The following SLC24A3 variants were observed in gnomAD, a reference collection of about 807,000 sequenced individuals.
SLC24A3 encodes the protein sodium/potassium/calcium exchanger 3.
Under a neutral mutation model 75.8 loss-of-function variants are expected in SLC24A3, and 28 were observed. The observed-to-expected ratio is 0.37, with a 90% confidence interval of 0.27 to 0.51. The LOEUF is 0.51. SLC24A3 is among the 20% of genes least tolerant of loss of function. The probability of loss-of-function intolerance (pLI) is 0.94; values close to 1 mark genes in which losing one functional copy is unlikely to be tolerated. For synonymous variants in SLC24A3, 372 were observed against 334.1 expected, an observed-to-expected ratio of 1.11 and a Z score of -1.24; for missense variants, 663 against 847.8, an observed-to-expected ratio of 0.78 and a Z score of 2.71.
rs2033099631 is a variant in SLC24A3, at chr20:19,721,028, A to G, written c.1823A>G (p.Lys608Arg). The change falls in exon 17 of 17, where the codon AAG becomes AGG. Residue 608 changes from lysine (K) to arginine (R), a missense_variant. Lys to Arg is a conservative substitution (Grantham distance 26). Coordinates refer to ENST00000328041, the MANE Select transcript of SLC24A3 (RefSeq NM_020689.4). The stretch of plus-strand genomic sequence containing the variant: ...CACCTGAACAAGTGGCAGCTGGACA[A>G]GAAGCTGGGCTGTGGGTGCCTCCTC... ...GVHLNKWQLD[K>R]KLGCGCLLLY... 6.2e-7 allele frequency: 1 copy of G among 1,613,904 alleles called. No individual in the cohort carries two copies. Among genetic ancestry groups the G allele is most frequent in the Non-Finnish European group, 8.5e-7 (1 of 1,180,004 alleles).
chr20:19,328,489 A>T (rs953334300), intron 2 of SLC24A3, among the ~76,000 whole-genome samples: 2 of 152,190 alleles, frequency 1.3e-5, no homozygotes, highest in African/African-American at 4.8e-5. Flanking sequence ...GTGAGGCGGT[A>T]TCTGATTCCG....
intron 3 of SLC24A3, among the ~76,000 whole-genome samples, chr20:19,571,879 C>G (rs367757942): frequency 6.6e-6 from 1 of 152,190 alleles, no homozygotes; most frequent in Non-Finnish European, 1.5e-5. Context: ...ATTTCATTCC[C>G]TTCACAATCT....
At chr20:19,408,044 A>G (rs1416656351) in intron 2 of SLC24A3, among the ~76,000 whole-genome samples, 1 of 152,192 alleles carries the variant, frequency 6.6e-6, no homozygotes, top group Admixed American at 6.5e-5. Flanking sequence ...CGCTTCTAAG[A>G]ATAGAAAAGA....
At chr20:19,569,235 G>A (rs2031010594) in intron 3 of SLC24A3, among the ~76,000 whole-genome samples, 1 of 152,178 alleles carries the variant, frequency 6.6e-6, no homozygotes, top group African/African-American at 2.4e-5. Flanking sequence ...CCCACTACTT[G>A]TATTTTTATG....
chr20:19,490,610 T>C (rs1035814871), intron 2 of SLC24A3, among the ~76,000 whole-genome samples: 7 of 152,256 alleles, frequency 4.6e-5, no homozygotes, highest in African/African-American at 2.4e-5. Flanking sequence ...AGAGCTATTA[T>C]TAAGATTGGG....
At chr20:19,317,520 G>A (rs2122271006) in intron 2 of SLC24A3, among the ~76,000 whole-genome samples, 1 of 152,324 alleles carries the variant, frequency 6.6e-6, no homozygotes, top group East Asian at 1.9e-4. Context: ...AGCAGCCACA[G>A]CCAGGCCCAT....
At chr20:19,369,201 G>A (rs552636445) in intron 2 of SLC24A3, among the ~76,000 whole-genome samples, 55 of 152,156 alleles carry the variant, frequency 3.6e-4, no homozygotes, top group Non-Finnish European at 6.2e-4. Context: ...GAACCTGGCC[G>A]CCTCCCCTAA....
rs1291830177 is a variant in SLC24A3 at position 19,517,729 on chromosome 20, A to C, written c.348+2165A>C. Among the ~76,000 whole-genome samples, 4 of 152,286 alleles carry C rather than the reference A, an allele frequency of 2.6e-5. No homozygotes were observed. In the East Asian group the frequency reaches 7.7e-4, roughly 29 times the overall value. On this transcript the variant is annotated intron_variant, in intron 3 of 16. Coordinates refer to ENST00000328041, the MANE Select transcript of SLC24A3 (RefSeq NM_020689.4). ...ACAGAAGCCCAGAATTCTCCACCCA[A>C]ATAGCCATGAGCCTGCTGCCAAGGC...
At position 19,328,644 on chromosome 20, in the gene SLC24A3, G is replaced by A. The variant is rs148771268; in HGVS notation, c.271+47557G>A. ...AGTTGTAGGAGAAGGTGAGGGGCGG[G>A]TGGAGTGAGCTTCATGGGAGACCGG... is the stretch of plus-strand genomic sequence containing the variant. On this transcript the variant is annotated intron_variant, in intron 2 of 16. Transcript: ENST00000328041. Among the ~76,000 whole-genome samples, 23 of 152,284 alleles carry A rather than the reference G, an allele frequency of 1.5e-4. No homozygotes were observed. In the East Asian group the frequency reaches 4.4e-3, roughly 29 times the overall value.
chr20:19,586,944 A>C (rs2031305479), intron 6 of SLC24A3, among the ~76,000 whole-genome samples: 1 of 152,190 alleles, frequency 6.6e-6, no homozygotes, highest in East Asian at 1.9e-4. Flanking sequence ...TAAATCTCCC[A>C]TAAATGTAGT....
At chr20:19,365,314 A>C (rs1985868756) in intron 2 of SLC24A3, among the ~76,000 whole-genome samples, 1 of 152,134 alleles carries the variant, frequency 6.6e-6, no homozygotes, top group Non-Finnish European at 1.5e-5. Flanking sequence ...ATACCCAGTG[A>C]ATCAGGAACT....
At chr20:19,368,363 C>G (rs1985934329) in intron 2 of SLC24A3, among the ~76,000 whole-genome samples, 1 of 152,196 alleles carries the variant, frequency 6.6e-6, no homozygotes, top group Non-Finnish European at 1.5e-5. Flanking sequence ...TGCCCTGGGA[C>G]CCTCGTGCCC....
At chr20:19,383,206 AT>A (rs1426321992) in intron 2 of SLC24A3, among the ~76,000 whole-genome samples, 1 of 152,060 alleles carries the variant, frequency 6.6e-6, no homozygotes, top group East Asian at 1.9e-4. Flanking sequence ...CATCCAGTCC[AT>A]TTTCCATAGA....
chr20:19,307,190 C>A (rs901932725), intron 2 of SLC24A3, among the ~76,000 whole-genome samples: 2 of 152,194 alleles, frequency 1.3e-5, no homozygotes, highest in Non-Finnish European at 2.9e-5. Context: ...GGGATATGAA[C>A]TACATTACTG....
At chr20:19,306,497 A>G (rs1172966020) in intron 2 of SLC24A3, among the ~76,000 whole-genome samples, 2 of 152,254 alleles carry the variant, frequency 1.3e-5, no homozygotes, top group African/African-American at 4.8e-5. Flanking sequence ...TGATACATAT[A>G]TACCATGGAA....
intron 2 of SLC24A3, among the ~76,000 whole-genome samples, chr20:19,320,630 G>A (rs1028252387): frequency 1.3e-5 from 2 of 151,762 alleles, no homozygotes; most frequent in Admixed American, 6.6e-5. Context: ...TTCAGTTGTC[G>A]CTCGGTATCT....
rs189884906 is a variant in SLC24A3, at chr20:19,233,245, G to A, written c.142+20261G>A. On this transcript the variant is annotated intron_variant, in intron 1 of 16. Coordinates refer to ENST00000328041, the MANE Select transcript of SLC24A3 (RefSeq NM_020689.4). Reference sequence around the variant, plus strand: ...CCCCGTGGTTGTACAAGCCAGCAGCGTTAACGGAAGTGCACACAGCAGTTC... The same window carrying A: ...CCCCGTGGTTGTACAAGCCAGCAGCATTAACGGAAGTGCACACAGCAGTTC... Among the ~76,000 whole-genome samples, 512 of 152,332 alleles carry A rather than the reference G, an allele frequency of 3.4e-3. 3 individuals carry two copies. Among genetic ancestry groups the A allele is most frequent in the African/African-American group, 0.011 (467 of 41,580 alleles).
intron 3 of SLC24A3, among the ~76,000 whole-genome samples, chr20:19,528,872 G>A (rs950041403): frequency 6.6e-6 from 1 of 152,138 alleles, no homozygotes; most frequent in Non-Finnish European, 1.5e-5. Flanking sequence ...GACTGATTGT[G>A]GGCCTCTCAT....
intron 15 of SLC24A3, among the ~76,000 whole-genome samples, chr20:19,715,790 T>G (rs1346261737): frequency 6.6e-6 from 1 of 152,194 alleles, no homozygotes; most frequent in Non-Finnish European, 1.5e-5. Context: ...TAATTACCAC[T>G]TAGTTGTCTA....
Sources: allele counts gnomAD v4.1 joint callset (sites outside exome capture counted in the v4.1 genomes callset), GRCh38; gene constraint gnomAD v4.1.1; transcripts MANE v1.5; gene names NCBI Gene and HGNC (gene_info 2026-07-23, HGNC 2026-07-21).